NBAS: variants seen among roughly 807,000 people sequenced by gnomAD.
NBAS encodes the protein NBAS subunit of NRZ tethering complex.
A neutral mutation model predicts 302.5 loss-of-function variants in NBAS; 219 were observed. The ratio of observed to expected loss-of-function variants is 0.72; its 90% CI spans 0.65 to 0.81. The LOEUF (loss-of-function observed/expected upper bound fraction) is 0.81, where lower values mean the gene tolerates loss of function less well. NBAS is among the 30% of genes least tolerant of loss of function. NBAS has a pLI of 0.00. For synonymous variants in NBAS, 1,118 were observed against 1,021.6 expected (o/e 1.09, Z -1.80); for missense variants, 2,932 against 2,841.6 (o/e 1.03, Z -0.72).
At chr2:14,955,101 G>A in the NBAS span, among the ~76,000 whole-genome samples, 6 of 152,270 alleles carry the variant, frequency 3.9e-5, no homozygotes, top group African/African-American at 7.2e-5. Flanking sequence ...ATAGGCATTC[G>A]GTAAATACAC....
rs978119707 is a variant in NBAS, at chr2:15,364,706, G to T, written c.3817+1874C>A. On this transcript the variant is annotated intron_variant, in intron 32 of 51. Transcript: ENST00000281513. Reference sequence around the variant, plus strand: ...CTGTAAAGCCCTATATCAGCCCCCAGCTATTTAAGTCTTCCCAGCCCAAGT... The same window carrying T: ...CTGTAAAGCCCTATATCAGCCCCCATCTATTTAAGTCTTCCCAGCCCAAGT... Among the ~76,000 whole-genome samples the T allele has an allele frequency of 2.0e-5, 3 of 152,022 alleles. No individual in the cohort carries two copies. The South Asian group carries it at 6.2e-4, about 32-fold the overall frequency.
chr2:15,330,126 T>C (rs1457098783), intron 36 of NBAS, among the ~76,000 whole-genome samples: 3 of 152,160 alleles, frequency 2.0e-5, no homozygotes, highest in African/African-American at 7.2e-5. Context: ...TTCCTCTTTG[T>C]TTTCCAGTGT....
the NBAS span, among the ~76,000 whole-genome samples, chr2:15,015,584 A>G: frequency 6.6e-6 from 1 of 152,216 alleles, no homozygotes; most frequent in Non-Finnish European, 1.5e-5. Context: ...ATAAAATTCA[A>G]CACAGCTTCA....
intron 38 of NBAS, among the ~76,000 whole-genome samples, chr2:15,323,936 C>T (rs1252692233): frequency 3.4e-5 from 5 of 146,592 alleles, no homozygotes; most frequent in Middle Eastern, 3.6e-3. Context: ...TCACCTACAA[C>T]GGATTCTAGG....
intron 16 of NBAS, among the ~76,000 whole-genome samples, 194 bp from the exon 17 acceptor site, chr2:15,468,727 G>A (rs1265002155): frequency 6.6e-6 from 1 of 152,212 alleles, no homozygotes. Context: ...GATGCGGGGA[G>A]TGTGAGTTGA....
Position 15,287,090 on chromosome 2 carries a change from G to T in NBAS, c.5121C>A (p.Phe1707Leu), listed in dbSNP as rs867443292. ...RWEVFMTHLEFLFTDSGLSTL... is the reference protein window; with the variant it reads ...RWEVFMTHLELLFTDSGLSTL... ...GTGCTTACCCACTGTCCGTGAAGAGGAACTCCAAATGGGTCATAAAAACTT... is the reference window on the plus strand; with the variant it reads ...GTGCTTACCCACTGTCCGTGAAGAGTAACTCCAAATGGGTCATAAAAACTT... The change falls in exon 42 of 52, where the codon TTC becomes TTA. Residue 1707 changes from phenylalanine (F) to leucine (L), a missense_variant. Phe to Leu is a conservative substitution (Grantham distance 22). Transcript: ENST00000281513. The T allele has an allele frequency of 6.2e-7, 1 of 1,612,144 alleles. No homozygotes were observed. Among genetic ancestry groups the T allele is most frequent in the Admixed American group, 1.7e-5 (1 of 60,018 alleles).
At chr2:15,279,335 CA>C (rs1558498452) in intron 42 of NBAS, among the ~76,000 whole-genome samples, 1 of 152,076 alleles carries the variant, frequency 6.6e-6, no homozygotes, top group Non-Finnish European at 1.5e-5. Context: ...TGTCTGGACT[CA>C]AAGTACACAA....
chr2:15,336,390 G>A (rs1672587127), intron 35 of NBAS, among the ~76,000 whole-genome samples: 1 of 152,144 alleles, frequency 6.6e-6, no homozygotes, highest in Non-Finnish European at 1.5e-5. Context: ...ATAGGTGTAA[G>A]AAGTCTGCTT....
chr2:15,268,396 T>A (rs891916170), intron 44 of NBAS, among the ~76,000 whole-genome samples: 2 of 152,216 alleles, frequency 1.3e-5, no homozygotes, highest in African/African-American at 4.8e-5. Flanking sequence ...TGTGCTGAAA[T>A]ACACACTGCA....
intron 48 of NBAS, among the ~76,000 whole-genome samples, chr2:15,191,999 CTCCTT>C (rs1220704694): frequency 1.3e-5 from 2 of 152,190 alleles, no homozygotes; most frequent in African/African-American, 4.8e-5. Flanking sequence ...GACTCACTCC[CTCCTT>C]TCAAGTTTCT....
chr2:15,140,652 A>T, the NBAS span, among the ~76,000 whole-genome samples: 2 of 152,238 alleles, frequency 1.3e-5, no homozygotes, highest in African/African-American at 4.8e-5. Flanking sequence ...AAATGTCTGC[A>T]GCAATCCAAA....
intron 50 of NBAS, among the ~76,000 whole-genome samples, chr2:15,185,619 A>G (rs896147006): frequency 9.2e-5 from 14 of 152,168 alleles, no homozygotes; most frequent in Non-Finnish European, 2.1e-4. Flanking sequence ...TCACGGGTTC[A>G]TAAGTGGCTG....
At chr2:15,295,577 T>A (rs1670512592) in intron 40 of NBAS, among the ~76,000 whole-genome samples, 2 of 152,204 alleles carry the variant, frequency 1.3e-5, no homozygotes, top group Admixed American at 6.5e-5. Flanking sequence ...AAGCAGGTGT[T>A]CCAAAAATAA....
Position 15,398,533 on chromosome 2 carries a change from C to A in NBAS, c.3072-2058G>T, listed in dbSNP as rs532684383. ...TTCTTCCTTTGTGAGCTGACATTCA[C>A]GAACACAATGAGTAAAGTTTTTTTA... On this transcript the variant is annotated intron_variant, in intron 26 of 51. Coordinates refer to ENST00000281513, the MANE Select transcript of NBAS (RefSeq NM_015909.4). 7.2e-5 allele frequency among the ~76,000 whole-genome samples: 11 copies of A among 152,242 alleles called. 1 individual carries two copies. In the South Asian group the frequency reaches 1.5e-3, roughly 20 times the overall value.
chr2:15,276,703 GAAAGA>G, intron 43 of NBAS, 143 bp downstream of exon 43: 1 of 1,192,966 alleles, frequency 8.4e-7, no homozygotes, highest in East Asian at 2.5e-5. Context: ...GAAAGAGTTG[GAAAGA>G]TAATAACTAA....
intron 12 of NBAS, among the ~76,000 whole-genome samples, chr2:15,481,810 A>G (rs139842760): frequency 4.6e-5 from 7 of 152,252 alleles, no homozygotes; most frequent in Admixed American, 1.3e-4. Flanking sequence ...TTGTCTCCCA[A>G]AGCAAGTCAC....
At chr2:15,214,789 CAAACTGGTTTCTGA>C (rs751761739) in intron 48 of NBAS, among the ~76,000 whole-genome samples, 10 of 152,242 alleles carry the variant, frequency 6.6e-5, no homozygotes, top group South Asian at 4.2e-4. Flanking sequence ...GAAATATAGT[CAAACTGGTTTCTGA>C]AAAGAAGGGT....
the NBAS span, among the ~76,000 whole-genome samples, chr2:14,789,433 C>T: frequency 6.6e-6 from 1 of 152,194 alleles, no homozygotes; most frequent in Non-Finnish European, 1.5e-5. Context: ...GTCGCTCATG[C>T]TGGGAGCTGT....
At chr2:15,472,855 G>C (rs1680018161) in intron 16 of NBAS, among the ~76,000 whole-genome samples, 1 of 152,156 alleles carries the variant, frequency 6.6e-6, no homozygotes, top group African/African-American at 2.4e-5. Context: ...CTGGTTACTA[G>C]AAAATAATTC....
Sources: gnomAD v4.1 joint callset for allele counts (sites outside exome capture counted in the v4.1 genomes callset) on GRCh38, gnomAD v4.1.1 for gene constraint, MANE v1.5 for transcripts, NCBI Gene and HGNC (gene_info 2026-07-23, HGNC 2026-07-21) for gene names.